Variants in SHBG observed in about 807,000 individuals in gnomAD.
SHBG encodes the protein sex hormone-binding globulin.
A neutral mutation model predicts 41.9 loss-of-function variants in SHBG; 37 were observed. The observed-to-expected ratio is 0.88, with a 90% CI of 0.68 to 1.16. The LOEUF (loss-of-function observed/expected upper bound fraction) is 1.16. SHBG is among the 50% of genes most tolerant of loss of function. The probability of loss-of-function intolerance (pLI) is 0.00; values close to 1 mark genes in which losing one functional copy is unlikely to be tolerated. For missense variants in SHBG, 466 were observed against 499.9 expected, an observed-to-expected ratio of 0.93 and a Z score of 0.65; for synonymous variants, 217 against 205.8, an observed-to-expected ratio of 1.05 and a Z score of -0.47.
chr17:7,627,768 G>A, upstream of SHBG: 1 of 1,005,398 alleles, frequency 9.9e-7, no homozygotes, highest in South Asian at 1.3e-5. The surrounding 1 kb of genome is among the most constrained non-coding windows in gnomAD (Gnocchi z 4.8). Flanking sequence ...GGACGGCGGG[G>A]TAGCCGCGGC....
chr17:7,624,193 C>A (rs959118160), upstream of SHBG, among the ~76,000 whole-genome samples: 1 of 151,940 alleles, frequency 6.6e-6, no homozygotes, highest in Non-Finnish European at 1.5e-5. Context: ...CTCCAGTGAT[C>A]CACCCGCCTT....
intron 1 of SHBG, chr17:7,614,594 G>A (rs992461570): frequency 5.5e-5 from 59 of 1,063,084 alleles, no homozygotes; most frequent in Non-Finnish European, 6.8e-5. Flanking sequence ...AGTGCGGGCC[G>A]GGCCAGGCCC....
Position 7,621,094 on chromosome 17 carries a change from C to CAAA in SHBG, c.-62+7010_-62+7012dup, listed in dbSNP as rs61026446. On this transcript the variant is annotated intron_variant, in intron 1 of 5. Transcript: ENST00000570547. ...TGGGCAACAGAGCAAGACCCTGTCA[C>CAAA]AAAAAAAAAAAAAAAAAAAAAAAAA... is the stretch of plus-strand genomic sequence containing the variant. 2.3e-4 allele frequency among the ~76,000 whole-genome samples: 12 copies of CAAA among 52,266 alleles called. 1 individual carries two copies. The highest frequency in any genetic ancestry group is 6.1e-4 in the East Asian group (1 of 1,640). 34.3% of individuals were successfully genotyped at this position (52,266 alleles called of 152,430 possible).
chr17:7,615,436 T>A (rs1002100618), intron 1 of SHBG, among the ~76,000 whole-genome samples: 2 of 152,222 alleles, frequency 1.3e-5, no homozygotes, highest in Non-Finnish European at 2.9e-5. Context: ...CGCCGATATT[T>A]TAAGAATCTG....
In SHBG at chr17:7,632,861, C is replaced by G. The variant is rs766533512; in HGVS notation, c.962C>G (p.Ser321Trp). 29 of 1,613,986 alleles carry G rather than the reference C, an allele frequency of 1.8e-5. No individual in the cohort carries two copies. The highest frequency in any genetic ancestry group is 2.4e-5 in the Non-Finnish European group (28 of 1,179,988). The change falls in exon 7 of 8, where the codon TCG becomes TGG. Residue 321 changes from serine (S) to tryptophan (W), a missense_variant. Physicochemically the swap from Ser to Trp is radical, Grantham distance 177. Coordinates refer to ENST00000380450, the MANE Select transcript of SHBG (RefSeq NM_001040.5). ...TCCAGGGTGGTCTTGAGCCAAGGGT[C>G]GAAGATGAAGGCCCTTGCCCTGCCT... ...SMSRVVLSQG[S>W]KMKALALPPL...
intron 1 of SHBG, among the ~76,000 whole-genome samples, chr17:7,616,913 G>A (rs559775339): frequency 6.6e-6 from 1 of 152,128 alleles, no homozygotes; most frequent in Non-Finnish European, 1.5e-5. Flanking sequence ...TCCAGCCTGG[G>A]CAAAAAGAGC....
At chr17:7,626,747 C>T (rs767106611), upstream of SHBG, 2 of 1,614,188 alleles carry the variant, frequency 1.2e-6, no homozygotes, top group African/African-American at 2.7e-5. Context: ...CCACCCATCT[C>T]CTCACCTCAG....
upstream of SHBG, chr17:7,628,257 A>ATATT (rs1039247698): frequency 7.1e-5 from 17 of 239,676 alleles, no homozygotes; most frequent in South Asian, 1.4e-4. Context: ...TTTTATTTTT[A>ATATT]TATTTATTTA....
chr17:7,626,584 G>A (rs13894), upstream of SHBG: 118,459 of 1,613,918 alleles, frequency 0.073, 4,557 homozygotes, highest in South Asian at 0.11. Flanking sequence ...ACGGCCAGGC[G>A]GAATTGGGAG....
chr17:7,614,227 G>A (rs1176125463), intron 1 of SHBG: 3 of 685,780 alleles, frequency 4.4e-6, no homozygotes, highest in Non-Finnish European at 8.0e-6. Context: ...TCATTCTCCC[G>A]GAGATGGGGG....
At chr17:7,627,755 G>C (rs761078915), upstream of SHBG, 22 of 1,121,528 alleles carry the variant, frequency 2.0e-5, no homozygotes, top group South Asian at 1.3e-4. This position sits in a 1 kb window ranked among gnomAD's most constrained non-coding sequence, Gnocchi z 4.8. Flanking sequence ...CGGGAGTCGG[G>C]GGGGACGGCG....
At chr17:7,614,488 G>T in intron 1 of SHBG, 1 of 1,540,190 alleles carries the variant, frequency 6.5e-7, no homozygotes, top group Non-Finnish European at 8.7e-7. Context: ...GCACCTCGAC[G>T]GGCAGTCCCG....
In SHBG at chr17:7,630,402, T is replaced by C; in HGVS notation, c.112-14T>C. The C allele has an allele frequency of 6.2e-7, 1 of 1,613,162 alleles. No individual in the cohort carries two copies. Among genetic ancestry groups the C allele is most frequent in the Non-Finnish European group, 8.5e-7 (1 of 1,179,162 alleles). On this transcript the variant is annotated splice_polypyrimidine_tract_variant and intron_variant, in intron 1 of 7. Transcript: ENST00000380450. This position sits in a 1 kb window ranked among gnomAD's most constrained non-coding sequence, Gnocchi z 4.6. Reference sequence around the variant, plus strand: ...TGTCCCTACTCAGCTTTGTTTGTTTTCTCTTTCTGATAGAGTGCCCACGAC... The same window carrying C: ...TGTCCCTACTCAGCTTTGTTTGTTTCCTCTTTCTGATAGAGTGCCCACGAC...
At chr17:7,623,437 C>T (rs773090412), upstream of SHBG, among the ~76,000 whole-genome samples, 4 of 152,152 alleles carry the variant, frequency 2.6e-5, no homozygotes, top group Non-Finnish European at 5.9e-5. Flanking sequence ...CTAGTTTATA[C>T]TCTTTTATCT....
chr17:7,627,809 T>C (rs908033481), upstream of SHBG: 39 of 732,594 alleles, frequency 5.3e-5, no homozygotes, highest in Non-Finnish European at 5.1e-5. This position sits in a 1 kb window ranked among gnomAD's most constrained non-coding sequence, Gnocchi z 4.8. Flanking sequence ...TCCGGCGCCG[T>C]ACGGGAGGAG....
chr17:7,627,122 C>T, upstream of SHBG: 1 of 1,613,988 alleles, frequency 6.2e-7, no homozygotes, highest in South Asian at 1.1e-5. The surrounding 1 kb of genome is among the most constrained non-coding windows in gnomAD (Gnocchi z 4.8). Flanking sequence ...AGGTGGACTT[C>T]TAAGGGCCAG....
intron 1 of SHBG, among the ~76,000 whole-genome samples, chr17:7,620,661 G>T (rs893038995): frequency 6.6e-6 from 1 of 150,506 alleles, no homozygotes; most frequent in Non-Finnish European, 1.5e-5. Flanking sequence ...ACGGAGTTTT[G>T]CTCTTGTTAC....
chr17:7,626,426 G>A (rs758016321), upstream of SHBG: 5 of 1,612,950 alleles, frequency 3.1e-6, no homozygotes, highest in Admixed American at 8.4e-5. Flanking sequence ...ACTCAAGACA[G>A]AGATCCTCCT....
At position 7,632,879 on chromosome 17, in the gene SHBG, C is replaced by T. The variant is rs771297779; in HGVS notation, c.980C>T (p.Ala327Val). 3 of 1,614,000 alleles carry T rather than the reference C, an allele frequency of 1.9e-6. No homozygotes were observed. Among genetic ancestry groups the T allele is most frequent in the Non-Finnish European group, 2.5e-6 (3 of 1,180,000 alleles). The change falls in exon 7 of 8, where the codon GCC becomes GTC. Residue 327 changes from alanine (A) to valine (V), a missense_variant. Transcript: ENST00000380450. The stretch of plus-strand genomic sequence containing the variant: ...CAAGGGTCGAAGATGAAGGCCCTTG[C>T]CCTGCCTCCCTTAGGCCTGGCTCCC... ...LSQGSKMKAL[A>V]LPPLGLAPLL...
Sources: allele counts gnomAD v4.1 joint callset (sites outside exome capture counted in the v4.1 genomes callset), GRCh38; gene constraint gnomAD v4.1.1; non-coding constraint Gnocchi (gnomAD v3.1); transcripts MANE v1.5; gene names NCBI Gene and HGNC (gene_info 2026-07-23, HGNC 2026-07-21).